Variants in LNPEP observed in about 807,000 individuals in gnomAD.
LNPEP encodes the protein leucyl and cystinyl aminopeptidase, also known as leucyl-cystinyl aminopeptidase.
Under a neutral mutation model 120.6 loss-of-function variants are expected in LNPEP, and 64 were observed. The ratio of observed to expected loss-of-function variants is 0.53; its 90% CI spans 0.43 to 0.65. LNPEP has a LOEUF of 0.65. LNPEP is among the 30% of genes least tolerant of loss of function. The pLI, the probability that LNPEP is intolerant of heterozygous loss-of-function variation, is 0.00. For synonymous variants in LNPEP, 435 were observed against 425.4 expected, an observed-to-expected ratio of 1.02 and a Z score of -0.28; for missense variants, 1,057 against 1,200.0, an observed-to-expected ratio of 0.88 and a Z score of 1.76.
intron 13 of LNPEP, among the ~76,000 whole-genome samples, chr5:97,015,889 AT>A (rs930870487): frequency 6.6e-6 from 1 of 152,062 alleles, no homozygotes; most frequent in African/African-American, 2.4e-5. Flanking sequence ...GGATTAAATC[AT>A]TTTTTTAACA....
At chr5:96,963,283 A>G (rs1789648754) in intron 1 of LNPEP, among the ~76,000 whole-genome samples, 1 of 152,212 alleles carries the variant, frequency 6.6e-6, no homozygotes, top group African/African-American at 2.4e-5. Flanking sequence ...ACTGCATGGC[A>G]CATCATAAAA....
intron 7 of LNPEP, 33 bp from the exon 8 acceptor site, chr5:96,997,981 T>C (rs1317849231): frequency 7.6e-6 from 11 of 1,444,476 alleles, no homozygotes; most frequent in Non-Finnish European, 1.0e-5. Flanking sequence ...TTGATACTAC[T>C]TGTGATATTC....
rs1394276143 is a variant in LNPEP at position 97,033,237 on chromosome 5, T to C, written c.*4704T>C. 1 of 152,162 alleles carries C rather than the reference T, an allele frequency of 6.6e-6. No homozygotes were observed. Among genetic ancestry groups the C allele is most frequent in the African/African-American group, 2.4e-5 (1 of 41,436 alleles). The allele number at this position is 152,162 out of a possible 1,614,324, so 9.4% of individuals were successfully genotyped here. ...AGTCTCCCATTCTCCTCATCCCTTA[T>C]TGACTGCTGGGCAGTAGCTAACAGA... is the stretch of plus-strand genomic sequence containing the variant. On this transcript the variant is annotated 3_prime_UTR_variant, in exon 18 of 18. Transcript: ENST00000231368.
chr5:96,971,331 T>G (rs1386616021), intron 1 of LNPEP, among the ~76,000 whole-genome samples: 2 of 148,868 alleles, frequency 1.3e-5, no homozygotes, highest in Admixed American at 6.7e-5. Flanking sequence ...ATGATGTGCT[T>G]AAGACATTAT....
chr5:96,970,135 T>G (rs867737468), intron 1 of LNPEP, among the ~76,000 whole-genome samples: 1 of 152,002 alleles, frequency 6.6e-6, no homozygotes, highest in Middle Eastern at 3.2e-3. Flanking sequence ...GGTGAATGTT[T>G]CATATGTATT....
At chr5:96,993,683 A>G in intron 5 of LNPEP, 134 bp from the exon 6 acceptor site, 1 of 858,508 alleles carries the variant, frequency 1.2e-6, no homozygotes, top group Non-Finnish European at 1.8e-6. Context: ...GAGCTAGAAT[A>G]AGGAAGATTC....
intron 13 of LNPEP, among the ~76,000 whole-genome samples, chr5:97,021,920 TTTG>T (rs1791207539): frequency 7.1e-6 from 1 of 140,724 alleles, no homozygotes; most frequent in African/African-American, 2.6e-5. Context: ...TTTTTTGTCT[TTTG>T]TTTTTTTTTT....
intron 1 of LNPEP, among the ~76,000 whole-genome samples, chr5:96,952,543 A>G (rs543860570): frequency 4.8e-4 from 73 of 152,308 alleles, no homozygotes; most frequent in Middle Eastern, 6.8e-3. Context: ...GTTTCTTAAG[A>G]TAGATCTAGG....
chr5:96,992,442 A>G (rs1234217639), intron 4 of LNPEP, among the ~76,000 whole-genome samples: 1 of 152,170 alleles, frequency 6.6e-6, no homozygotes, highest in Non-Finnish European at 1.5e-5. Context: ...ACTGGAAGAG[A>G]ATATGTTGGT....
chr5:97,003,329 C>A, intron 8 of LNPEP, 86 bp from the exon 9 acceptor site: 1 of 764,658 alleles, frequency 1.3e-6, no homozygotes, highest in Non-Finnish European at 2.0e-6. Context: ...TTTAGAATGA[C>A]TGTAGTTTGA....
chr5:96,941,866 G>A (rs1789062655), intron 1 of LNPEP, among the ~76,000 whole-genome samples: 1 of 152,202 alleles, frequency 6.6e-6, no homozygotes, highest in Admixed American at 6.5e-5. Context: ...TGGAGATTGG[G>A]GGTAAAGGAA....
intron 1 of LNPEP, among the ~76,000 whole-genome samples, chr5:96,964,365 A>G (rs1789678471): frequency 6.6e-6 from 1 of 151,700 alleles, no homozygotes. Flanking sequence ...AAATATAGAT[A>G]ATATAAATAC....
chr5:96,944,206 AC>A (rs1581973312), intron 1 of LNPEP, among the ~76,000 whole-genome samples: 2 of 152,226 alleles, frequency 1.3e-5, no homozygotes, highest in East Asian at 3.8e-4. Context: ...CAAATTTAAA[AC>A]AGTTGTTAGT....
intron 1 of LNPEP, among the ~76,000 whole-genome samples, chr5:96,954,066 G>A (rs955995656): frequency 6.6e-6 from 1 of 152,156 alleles, no homozygotes; most frequent in Non-Finnish European, 1.5e-5. Context: ...TGATCTCAAG[G>A]TTCTCTGTAG....
intron 1 of LNPEP, among the ~76,000 whole-genome samples, chr5:96,963,199 T>C (rs1050814154): frequency 6.6e-6 from 1 of 152,230 alleles, no homozygotes; most frequent in Non-Finnish European, 1.5e-5. Flanking sequence ...TAAATTAGTC[T>C]AAGAATAGTA....
chr5:96,953,932 C>G (rs977305957), intron 1 of LNPEP, among the ~76,000 whole-genome samples: 15 of 152,140 alleles, frequency 9.9e-5, no homozygotes, highest in African/African-American at 3.6e-4. Flanking sequence ...TCAGTTTGTG[C>G]TTGCTTTTAT....
chr5:96,948,261 G>A (rs890693030), intron 1 of LNPEP, among the ~76,000 whole-genome samples: 3 of 152,072 alleles, frequency 2.0e-5, no homozygotes, highest in African/African-American at 4.8e-5. Flanking sequence ...GGGATTACAG[G>A]CATGCACCAC....
chr5:97,008,806 A>G (rs1484003716), intron 11 of LNPEP, among the ~76,000 whole-genome samples: 1 of 151,690 alleles, frequency 6.6e-6, no homozygotes, highest in Non-Finnish European at 1.5e-5. Context: ...CTGGGACTAC[A>G]GGCGCCTGCC....
chr5:96,975,387 T>C (rs1581996651), intron 1 of LNPEP, among the ~76,000 whole-genome samples: 1 of 152,192 alleles, frequency 6.6e-6, no homozygotes, highest in African/African-American at 2.4e-5. Flanking sequence ...GGAATTGACA[T>C]AGACTTTTCT....
Sources: allele counts gnomAD v4.1 joint callset (sites outside exome capture counted in the v4.1 genomes callset), GRCh38; gene constraint gnomAD v4.1.1; transcripts MANE v1.5; gene names NCBI Gene and HGNC (gene_info 2026-07-23, HGNC 2026-07-21).